DDX59: variants seen among roughly 807,000 people sequenced by gnomAD.
The protein encoded by DDX59 is probable ATP-dependent RNA helicase DDX59.
In DDX59, 30 loss-of-function variants were observed where a neutral mutation model predicts 51.9. That is an observed-to-expected ratio of 0.58 (90% confidence interval 0.43 to 0.78). The LOEUF (loss-of-function observed/expected upper bound fraction) is 0.78, where lower values mean the gene tolerates loss of function less well. DDX59 is among the 30% of genes least tolerant of loss of function. The pLI, the probability that DDX59 is intolerant of heterozygous loss-of-function variation, is 0.00. For missense variants in DDX59, 672 were observed against 730.8 expected, an observed-to-expected ratio of 0.92 and a Z score of 0.93; for synonymous variants, 255 against 253.3, an observed-to-expected ratio of 1.01 and a Z score of -0.06.
rs144189375 is a variant in DDX59 at position 200,648,479 on chromosome 1, T to C, written c.1556A>G (p.Asn519Ser). The C allele has an allele frequency of 2.9e-5, 47 of 1,614,078 alleles. No individual in the cohort carries two copies. The African/African-American group carries it at 5.2e-4, about 18-fold the overall frequency. The change falls in exon 7 of 8, where the codon AAT becomes AGT. Residue 519 changes from asparagine (N) to serine (S), a missense_variant. Coordinates refer to ENST00000331314, the MANE Select transcript of DDX59 (RefSeq NM_001031725.6). ...ATCCATACTTGAAGGCATATCAAAATTGACAACCAGCCTGACACTGATCAA... is the reference window on the plus strand; with the variant it reads ...ATCCATACTTGAAGGCATATCAAAACTGACAACCAGCCTGACACTGATCAA... Reference protein sequence around the residue: ...LDLISVRLVVNFDMPSSMDEY... With the variant: ...LDLISVRLVVSFDMPSSMDEY...
In DDX59 at chr1:200,666,061, G is replaced by A; in HGVS notation, c.680C>T (p.Thr227Ile). The A allele has an allele frequency of 1.2e-6, 2 of 1,614,230 alleles. No individual in the cohort carries two copies. Among genetic ancestry groups the A allele is most frequent in the Non-Finnish European group, 1.7e-6 (2 of 1,180,046 alleles). ...NLKKSGYEVPTPIQMQMIPVG... is the reference protein window; with the variant it reads ...NLKKSGYEVPIPIQMQMIPVG... ...AGGAATCATCTGCATTTGAATGGGAGTTGGCACCTCATAGCCTGATTTCTT... is the reference window on the plus strand; with the variant it reads ...AGGAATCATCTGCATTTGAATGGGAATTGGCACCTCATAGCCTGATTTCTT... The change falls in exon 2 of 8, where the codon ACT becomes ATT. Residue 227 changes from threonine to isoleucine, a missense_variant. Coordinates refer to ENST00000331314, the MANE Select transcript of DDX59 (RefSeq NM_001031725.6).
In DDX59 at chr1:200,649,232, A is replaced by C. The variant is rs758584419; in HGVS notation, c.1315-6T>G. On this transcript the variant is annotated splice_region_variant and splice_polypyrimidine_tract_variant and intron_variant, in intron 5 of 7. Coordinates refer to ENST00000331314, the MANE Select transcript of DDX59 (RefSeq NM_001031725.6). ...GGCTTAAAGAGTTTCTTATCCTGAA[A>C]AATTAAAAACATATATCAAAAATTA... The C allele has an allele frequency of 1.2e-5, 18 of 1,562,776 alleles. No individual in the cohort carries two copies. Among genetic ancestry groups the C allele is most frequent in the Non-Finnish European group, 1.5e-5 (17 of 1,164,424 alleles).
intron 1 of DDX59, among the ~76,000 whole-genome samples, chr1:200,668,480 C>A (rs1380709357): frequency 6.6e-6 from 1 of 151,182 alleles, no homozygotes; most frequent in Non-Finnish European, 1.5e-5. Flanking sequence ...AGAGTCATGC[C>A]CTACAAACCA....
intron 1 of DDX59, among the ~76,000 whole-genome samples, chr1:200,668,024 C>T (rs549645601): frequency 1.6e-4 from 25 of 152,170 alleles, no homozygotes; most frequent in African/African-American, 5.8e-4. Context: ...TTGGGCTGGG[C>T]GCAGTGGCTC....
chr1:200,646,652 G>A (rs940541964), intron 7 of DDX59, among the ~76,000 whole-genome samples: 5 of 152,204 alleles, frequency 3.3e-5, no homozygotes, highest in African/African-American at 7.2e-5. Flanking sequence ...AGCCGCAGGC[G>A]AGAATGTAAA....
intron 4 of DDX59, among the ~76,000 whole-genome samples, chr1:200,658,595 C>A (rs921942808): frequency 6.6e-6 from 1 of 152,124 alleles, no homozygotes; most frequent in Non-Finnish European, 1.5e-5. Flanking sequence ...ACTCAGGAGG[C>A]TGAGGTGGGT....
intron 7 of DDX59, among the ~76,000 whole-genome samples, chr1:200,647,971 CAAA>C (rs1425056666): frequency 1.2e-5 from 1 of 85,166 alleles, no homozygotes; most frequent in African/African-American, 4.6e-5. Flanking sequence ...GAGACTGTCT[CAAA>C]AAAAAAAAAA....
chr1:200,642,183 A>G (rs903922161), downstream of DDX59, among the ~76,000 whole-genome samples: 1 of 152,204 alleles, frequency 6.6e-6, no homozygotes, highest in African/African-American at 2.4e-5. Flanking sequence ...CAACCAATTC[A>G]GTATTTTTAT....
intron 4 of DDX59, among the ~76,000 whole-genome samples, chr1:200,651,130 T>C (rs1661633892): frequency 6.6e-6 from 1 of 152,168 alleles, no homozygotes; most frequent in Non-Finnish European, 1.5e-5. Flanking sequence ...AACTGCTAAA[T>C]TGCTAATACC....
At chr1:200,663,378 G>A (rs374754797) in intron 3 of DDX59, among the ~76,000 whole-genome samples, 3 of 152,084 alleles carry the variant, frequency 2.0e-5, no homozygotes, top group South Asian at 4.1e-4. Flanking sequence ...CAAGAAAACT[G>A]AAGCCCACAG....
intron 6 of DDX59, 151 bp from the exon 7 acceptor site, chr1:200,648,718 G>GT: frequency 1.1e-6 from 1 of 905,414 alleles, no homozygotes; most frequent in East Asian, 2.7e-5. Context: ...CCTGAAAAAT[G>GT]TATGCAGCTA....
intron 5 of DDX59, among the ~76,000 whole-genome samples, chr1:200,650,104 A>G (rs1360186061): frequency 6.6e-6 from 1 of 152,098 alleles, no homozygotes; most frequent in African/African-American, 2.4e-5. Flanking sequence ...TCGGCCTCCT[A>G]AAGTGCTGGG....
intron 7 of DDX59, among the ~76,000 whole-genome samples, 183 bp from the exon 8 acceptor site, chr1:200,644,700 G>A (rs1445893644): frequency 6.6e-6 from 1 of 152,124 alleles, no homozygotes; most frequent in African/African-American, 2.4e-5. Context: ...TTTGAGACCA[G>A]CCTGGCCAAC....
At chr1:200,661,706 T>C (rs1662385816) in intron 3 of DDX59, among the ~76,000 whole-genome samples, 1 of 152,232 alleles carries the variant, frequency 6.6e-6, no homozygotes, top group Admixed American at 6.5e-5. Context: ...TCTTGTGCTA[T>C]AAAAAGTGAT....
chr1:200,649,482 A>G (rs1661510081), intron 5 of DDX59, among the ~76,000 whole-genome samples: 1 of 151,902 alleles, frequency 6.6e-6, no homozygotes, highest in South Asian at 2.1e-4. Context: ...CAAGAAAATT[A>G]GCCACGCATG....
chr1:200,651,768 G>C (rs1035327010), intron 4 of DDX59, among the ~76,000 whole-genome samples: 1 of 152,088 alleles, frequency 6.6e-6, no homozygotes, highest in Non-Finnish European at 1.5e-5. Context: ...CAGCACTTTG[G>C]GAGGCCAAAG....
downstream of DDX59, chr1:200,640,880 G>C (rs2102818949): frequency 6.3e-6 from 1 of 159,164 alleles, no homozygotes; most frequent in Non-Finnish European, 1.4e-5. Flanking sequence ...CTCGTCTTAT[G>C]CTTTATTTGT....
At chr1:200,667,825 A>G (rs567397069) in intron 1 of DDX59, among the ~76,000 whole-genome samples, 1 of 152,186 alleles carries the variant, frequency 6.6e-6, no homozygotes, top group African/African-American at 2.4e-5. Context: ...ATATACAGAT[A>G]TTTTTTCATT....
chr1:200,660,524 T>C (rs778696818), intron 3 of DDX59, among the ~76,000 whole-genome samples: 3 of 152,084 alleles, frequency 2.0e-5, no homozygotes, highest in African/African-American at 7.2e-5. Context: ...AGGGCATCGC[T>C]GTGGGCAGGG....
Sources: gnomAD v4.1 joint callset for allele counts (sites outside exome capture counted in the v4.1 genomes callset) on GRCh38, gnomAD v4.1.1 for gene constraint, MANE v1.5 for transcripts, NCBI Gene and HGNC (gene_info 2026-07-23, HGNC 2026-07-21) for gene names.